VPS13D: variants seen among roughly 807,000 people sequenced by gnomAD.
VPS13D encodes the protein vacuolar protein sorting 13 homolog D.
In VPS13D, 187 loss-of-function variants were observed where a neutral mutation model predicts 461.9. That is an observed-to-expected ratio of 0.40 (90% CI 0.36 to 0.46). VPS13D has a LOEUF of 0.46. VPS13D is among the 20% of genes least tolerant of loss of function. The pLI, the probability that VPS13D is intolerant of heterozygous loss-of-function variation, is 0.60. For synonymous variants in VPS13D, 1,951 were observed against 1,986.3 expected (o/e 0.98, Z 0.47); for missense variants, 4,711 against 5,364.9 (o/e 0.88, Z 3.81).
intron 20 of VPS13D, among the ~76,000 whole-genome samples, chr1:12,280,159 A>G (rs1641737153): frequency 2.0e-5 from 3 of 152,040 alleles, no homozygotes; most frequent in Non-Finnish European, 4.4e-5. Context: ...CAAAAGTGTC[A>G]TTTTCCCTGA....
chr1:12,283,877 G>A (rs1190917710), intron 21 of VPS13D, 141 bp downstream of exon 21: 4 of 898,228 alleles, frequency 4.5e-6, no homozygotes, highest in South Asian at 3.8e-5. Flanking sequence ...TGTTTGCTAC[G>A]AAAGGTAGAC....
In VPS13D at chr1:12,276,151, CACCT is replaced by C; in HGVS notation, c.2566_2569del (p.Leu856SerfsTer2). On this transcript the variant is annotated frameshift_variant, in exon 19 of 70. Transcript: ENST00000620676. LOFTEE classifies it high-confidence loss of function. This position sits in a 1 kb window ranked among gnomAD's most constrained non-coding sequence, Gnocchi z 4.5. ...ACATGTGGTAGAGAAGTTCAACGTT[CACCT>C]ACAGTTAGAGCGTCGATTGATTTAT... is the stretch of plus-strand genomic sequence containing the variant. 5.6e-6 allele frequency: 9 copies of C among 1,614,154 alleles called. No homozygotes were observed. Among genetic ancestry groups the C allele is most frequent in the Non-Finnish European group, 7.6e-6 (9 of 1,180,026 alleles).
chr1:12,490,981 G>A (rs945540758), intron 67 of VPS13D, among the ~76,000 whole-genome samples: 7 of 152,180 alleles, frequency 4.6e-5, no homozygotes, highest in African/African-American at 4.8e-5. Context: ...GACAGACTGC[G>A]GGGTTTCTCT....
rs566000159 is a variant in VPS13D at position 12,392,373 on chromosome 1, G to A, written c.11634+6039G>A. ...GGGTGCCTGTGGTCTCAGCTACTTC[G>A]GAGGCTGAGACAGGAGAATCGCTTG... On this transcript the variant is annotated intron_variant, in intron 60 of 69. Coordinates refer to ENST00000620676, the MANE Select transcript of VPS13D (RefSeq NM_015378.4). Among the ~76,000 whole-genome samples, 7 of 151,548 alleles carry A rather than the reference G, an allele frequency of 4.6e-5. No individual in the cohort carries two copies. The South Asian group carries it at 6.3e-4, about 14-fold the overall frequency.
chr1:12,404,023 GA>G (rs758582344), intron 63 of VPS13D, 50 bp downstream of exon 63: 1 of 1,530,460 alleles, frequency 6.5e-7, no homozygotes, highest in East Asian at 2.3e-5. Context: ...CCTTGGAAAA[GA>G]ATGAGTGTGT....
chr1:12,265,008 A>G (rs530939787), intron 13 of VPS13D, among the ~76,000 whole-genome samples: 2 of 152,202 alleles, frequency 1.3e-5, no homozygotes, highest in South Asian at 2.1e-4. Context: ...ATTATGCTCA[A>G]TCTCCTCTGC....
chr1:12,499,121 C>T (rs1646000262), intron 68 of VPS13D, among the ~76,000 whole-genome samples: 1 of 151,866 alleles, frequency 6.6e-6, no homozygotes, highest in African/African-American at 2.4e-5. Context: ...AACTTTTAGC[C>T]TTTGGATGGG....
chr1:12,389,796 G>C (rs990677271), intron 60 of VPS13D, among the ~76,000 whole-genome samples: 5 of 152,174 alleles, frequency 3.3e-5, no homozygotes, highest in Non-Finnish European at 7.3e-5. Context: ...TGAGGGGTCT[G>C]GACCATTTGT....
chr1:12,400,148 T>C (rs774141101), intron 60 of VPS13D, 33 bp from the exon 61 acceptor site: 2 of 1,605,620 alleles, frequency 1.2e-6, no homozygotes, highest in Non-Finnish European at 8.5e-7. Flanking sequence ...GGTCTGTTTT[T>C]GTTTTTGCTT....
rs1046118634 is a variant in VPS13D at position 12,318,062 on chromosome 1, C to G, written c.7149-10C>G. 1.9e-6 allele frequency: 3 copies of G among 1,595,170 alleles called. No homozygotes were observed. The South Asian group carries it at 3.4e-5, about 18-fold the overall frequency. ...TTTCCTATTTATTTTCTCCTGTCTTCTTTTTATAGATCTACCAAGGATTCC... is the reference window on the plus strand; with the variant it reads ...TTTCCTATTTATTTTCTCCTGTCTTGTTTTTATAGATCTACCAAGGATTCC... On this transcript the variant is annotated splice_polypyrimidine_tract_variant and intron_variant, in intron 30 of 69. Coordinates refer to ENST00000620676, the MANE Select transcript of VPS13D (RefSeq NM_015378.4).
chr1:12,506,022 G>A (rs574848402), intron 68 of VPS13D, among the ~76,000 whole-genome samples: 2 of 152,192 alleles, frequency 1.3e-5, no homozygotes, highest in Non-Finnish European at 2.9e-5. Context: ...CCACTCCGTC[G>A]TCAGCCTTTA....
intron 65 of VPS13D, among the ~76,000 whole-genome samples, chr1:12,418,156 C>T (rs1168631520): frequency 5.3e-5 from 8 of 152,202 alleles, no homozygotes; most frequent in East Asian, 1.9e-4. Flanking sequence ...GATCCACCAA[C>T]CTCGGCCTTC....
intron 24 of VPS13D, among the ~76,000 whole-genome samples, chr1:12,293,943 T>TTTACAAAGAACAC (rs1642203766): frequency 6.6e-6 from 1 of 151,922 alleles, no homozygotes; most frequent in South Asian, 2.1e-4. Context: ...ATAAGGGAGG[T>TTTACAAAGAACAC]TTACAAAGAA....
intron 21 of VPS13D, 96 bp downstream of exon 21, chr1:12,283,832 C>A (rs1641884237): frequency 1.6e-6 from 2 of 1,270,886 alleles, no homozygotes; most frequent in Non-Finnish European, 2.1e-6. Flanking sequence ...TGGAAAATAT[C>A]TCTTGTTGGC....
intron 25 of VPS13D, among the ~76,000 whole-genome samples, chr1:12,303,686 G>C (rs1295509048): frequency 1.3e-4 from 20 of 152,212 alleles, no homozygotes; most frequent in Admixed American, 1.3e-3. Flanking sequence ...GGCAGCCCTA[G>C]AGGGAGAGCC....
chr1:12,387,507 C>T (rs1039714379), intron 60 of VPS13D, among the ~76,000 whole-genome samples: 37 of 151,324 alleles, frequency 2.4e-4, no homozygotes, highest in Admixed American at 4.0e-4. Context: ...TTTTGGAGGA[C>T]GTTAAAACTG....
intron 48 of VPS13D, 122 bp from the exon 49 acceptor site, chr1:12,356,276 A>T (rs1433622221): frequency 7.1e-7 from 1 of 1,410,404 alleles, no homozygotes; most frequent in Non-Finnish European, 9.4e-7. Flanking sequence ...CAAGAAACTG[A>T]GCCCACTAAA....
intron 5 of VPS13D, among the ~76,000 whole-genome samples, chr1:12,246,521 C>G (rs1262996477): frequency 6.6e-6 from 1 of 152,162 alleles, no homozygotes; most frequent in Non-Finnish European, 1.5e-5. Context: ...AAATCCGGAA[C>G]ACTTCTTGTC....
chr1:12,322,838 C>T (rs1168539148), intron 34 of VPS13D, 92 bp downstream of exon 34: 4 of 1,088,150 alleles, frequency 3.7e-6, no homozygotes, highest in Non-Finnish European at 5.4e-6. Context: ...CTAAATTGTA[C>T]ACAGTTTAAT....
Sources: allele counts gnomAD v4.1 joint callset (sites outside exome capture counted in the v4.1 genomes callset), GRCh38; gene constraint gnomAD v4.1.1; non-coding constraint Gnocchi (gnomAD v3.1); transcripts MANE v1.5; gene names NCBI Gene and HGNC (gene_info 2026-07-23, HGNC 2026-07-21).